ENY2: variants seen among roughly 807,000 people sequenced by gnomAD.
ENY2 encodes the protein ENY2 transcription and export complex 2 subunit, also known as transcription and mRNA export factor ENY2.
Under a neutral mutation model 15.9 loss-of-function variants are expected in ENY2, and 4 were observed. That is an observed-to-expected ratio of 0.25 (90% confidence interval 0.12 to 0.57). The LOEUF is 0.57. Ranked by LOEUF, ENY2 falls within the 20% of genes least tolerant of loss-of-function variation. ENY2 has a pLI of 0.91. For missense variants in ENY2, 54 were observed against 117.2 expected (o/e 0.46, Z 2.49); for synonymous variants, 48 against 38.0 (o/e 1.26, Z -0.97).
chr8:109,345,417 A>T lies in ENY2; in HGVS notation c.*1936A>T, dbSNP rs140631792. 24 of 152,326 alleles carry T rather than the reference A, an allele frequency of 1.6e-4. No homozygotes were observed. The highest frequency in any genetic ancestry group is 2.9e-4 in the Non-Finnish European group (20 of 68,026). 9.4% of individuals were successfully genotyped at this position (152,326 alleles called of 1,614,324 possible). Reference sequence around the variant, plus strand: ...GATCTTTGGTTCGAGAGACAATTTCATCTTTCTGATGAATTTAAAGTGTAG... The same window carrying T: ...GATCTTTGGTTCGAGAGACAATTTCTTCTTTCTGATGAATTTAAAGTGTAG... On this transcript the variant is annotated 3_prime_UTR_variant, in exon 5 of 5. Coordinates refer to ENST00000521688, the MANE Select transcript of ENY2 (RefSeq NM_020189.6).
chr8:109,343,028 C>G (rs1198222254), intron 4 of ENY2, among the ~76,000 whole-genome samples: 3 of 152,168 alleles, frequency 2.0e-5, no homozygotes, highest in African/African-American at 7.2e-5. Context: ...TCTGGAAGAA[C>G]ATTTCCTCAG....
Position 109,336,127 on chromosome 8 carries a change from G to A in ENY2, c.7-1G>A. The stretch of plus-strand genomic sequence containing the variant: ...ATCTGAAAGTACATGTTGATGTCCA[G>A]GTTAGCAAGATGAACAAAGATGCGC... On this transcript the variant is annotated splice_acceptor_variant, in intron 1 of 4. Transcript: ENST00000521688. LOFTEE classifies it high-confidence loss of function. 6.2e-7 allele frequency: 1 copy of A among 1,613,188 alleles called. No individual in the cohort carries two copies. The highest frequency in any genetic ancestry group is 8.5e-7 in the Non-Finnish European group (1 of 1,179,422).
chr8:109,342,951 T>G (rs1816155670), intron 4 of ENY2: 1 of 490,720 alleles, frequency 2.0e-6, no homozygotes, highest in African/African-American at 2.0e-5. Flanking sequence ...TGTTCATGTT[T>G]CTATTAGCCT....
At chr8:109,339,209 T>A (rs773701939) in intron 2 of ENY2, 111 bp from the exon 3 acceptor site, 9 of 917,084 alleles carry the variant, frequency 9.8e-6, no homozygotes, top group Non-Finnish European at 1.4e-5. Context: ...CAGTTAAAGT[T>A]TTGTAACTGG....
At chr8:109,336,383 G>A in intron 2 of ENY2, 179 bp downstream of exon 2, 1 of 578,416 alleles carries the variant, frequency 1.7e-6, no homozygotes, top group Non-Finnish European at 3.0e-6. Flanking sequence ...AGGACTTGGA[G>A]GGAAGTGGTG....
At chr8:109,340,291 A>G (rs1343403070) in intron 3 of ENY2, 198 bp from the exon 4 acceptor site, 2 of 634,762 alleles carry the variant, frequency 3.2e-6, no homozygotes, top group East Asian at 6.4e-5. Context: ...TATTTAGCTG[A>G]GACTTACGAA....
intron 3 of ENY2, 145 bp from the exon 4 acceptor site, chr8:109,340,344 T>A: frequency 8.5e-7 from 1 of 1,169,906 alleles, no homozygotes; most frequent in Non-Finnish European, 1.2e-6. Flanking sequence ...GATGTGTTTG[T>A]AAGGTTGAAC....
At position 109,343,697 on chromosome 8, in the gene ENY2, G is replaced by A; in HGVS notation, c.*216G>A. The A allele has an allele frequency of 2.1e-6, 1 of 472,108 alleles. No homozygotes were observed. Among genetic ancestry groups the A allele is most frequent in the Non-Finnish European group, 3.7e-6 (1 of 269,922 alleles). 29.2% of individuals were successfully genotyped at this position (472,108 alleles called of 1,614,324 possible). ...GTTTGCTTGGATTTTGAAATGAATG[G>A]GACTTTGTCTTTATTACTAATTCAC... On this transcript the variant is annotated 3_prime_UTR_variant, in exon 5 of 5. Coordinates refer to ENST00000521688, the MANE Select transcript of ENY2 (RefSeq NM_020189.6).
rs182508050 is a variant in ENY2 at position 109,343,759 on chromosome 8, A to G, written c.*278A>G. The stretch of plus-strand genomic sequence containing the variant: ...AGCGCAAAAGCAATTAATGTAGTTT[A>G]AGTATTTAGTATGTACAGTTCTCTG... On this transcript the variant is annotated 3_prime_UTR_variant, in exon 5 of 5. Coordinates refer to ENST00000521688, the MANE Select transcript of ENY2 (RefSeq NM_020189.6). 5.7e-6 allele frequency: 2 copies of G among 351,286 alleles called. No homozygotes were observed. The highest frequency in any genetic ancestry group is 1.0e-5 in the Non-Finnish European group (2 of 193,644). The allele number at this position is 351,286 out of a possible 1,614,324, so 21.8% of individuals were successfully genotyped here. A position where few individuals can be genotyped will look rare whatever the true frequency, so the allele number is the denominator to read the frequency against.
intron 4 of ENY2, among the ~76,000 whole-genome samples, chr8:109,341,856 C>CA (rs1251520900): frequency 3.3e-5 from 5 of 152,100 alleles, no homozygotes; most frequent in Non-Finnish European, 7.4e-5. Context: ...CCCTCACCAC[C>CA]AAAACCTCCC....
chr8:109,336,337 A>T, intron 2 of ENY2, 133 bp downstream of exon 2: 2 of 800,820 alleles, frequency 2.5e-6, no homozygotes, highest in Non-Finnish European at 3.9e-6. Context: ...TATTCCGAAC[A>T]TCTGGAAAAA....
intron 1 of ENY2, 119 bp downstream of exon 1, chr8:109,334,593 A>G: frequency 3.1e-6 from 4 of 1,272,346 alleles, no homozygotes; most frequent in Non-Finnish European, 2.1e-6. Context: ...GCTCTCCGAC[A>G]GGGCGTGCTA....
chr8:109,335,942 A>G (rs1184464771), intron 1 of ENY2, 186 bp from the exon 2 acceptor site: 5 of 440,400 alleles, frequency 1.1e-5, no homozygotes, highest in Non-Finnish European at 2.0e-5. Flanking sequence ...AAGCAAACCC[A>G]CACTGCATTA....
chr8:109,334,784 G>A (rs1199175922), intron 1 of ENY2: 1 of 454,834 alleles, frequency 2.2e-6, no homozygotes, highest in Non-Finnish European at 3.9e-6. Context: ...CTTGTCCAAG[G>A]TCACTATCCG....
intron 2 of ENY2, chr8:109,338,801 C>T (rs1258575128): frequency 6.6e-6 from 1 of 152,376 alleles, no homozygotes; most frequent in Non-Finnish European, 1.5e-5. Flanking sequence ...CAATGAAATA[C>T]CATTGTCATT....
Position 109,344,166 on chromosome 8 carries a change from A to G in ENY2, c.*685A>G, listed in dbSNP as rs905005419. 3 of 152,232 alleles carry G rather than the reference A, an allele frequency of 2.0e-5. No homozygotes were observed. Among genetic ancestry groups the G allele is most frequent in the Admixed American group, 2.0e-4 (3 of 15,286 alleles). The allele number at this position is 152,232 out of a possible 1,614,324, so 9.4% of individuals were successfully genotyped here. ...CCCTGACATCAGGATTGCCAAATCC[A>G]ATGGACTCTTGTCTATTCTTACGTG... On this transcript the variant is annotated 3_prime_UTR_variant, in exon 5 of 5. Coordinates refer to ENST00000521688, the MANE Select transcript of ENY2 (RefSeq NM_020189.6).
intron 4 of ENY2, chr8:109,342,615 C>CTT: frequency 1.5e-6 from 1 of 655,680 alleles, no homozygotes; most frequent in Non-Finnish European, 2.7e-6. Flanking sequence ...TTAAGTGATC[C>CTT]TTCTCCCTCA....
intron 4 of ENY2, 52 bp from the exon 5 acceptor site, chr8:109,343,353 C>A: frequency 7.2e-7 from 1 of 1,388,624 alleles, no homozygotes; most frequent in South Asian, 1.3e-5. Context: ...CTTAAATTCT[C>A]ATGTATTAAT....
intron 2 of ENY2, chr8:109,338,967 T>A (rs954695188): frequency 5.1e-6 from 1 of 197,300 alleles, no homozygotes; most frequent in African/African-American, 2.3e-5. Context: ...CTGCTCCAGG[T>A]TCAGTTAATA....
Sources: gnomAD v4.1 joint callset for allele counts (sites outside exome capture counted in the v4.1 genomes callset) on GRCh38, gnomAD v4.1.1 for gene constraint, MANE v1.5 for transcripts, NCBI Gene and HGNC (gene_info 2026-07-23, HGNC 2026-07-21) for gene names.